Variants in ATP6V0A2 observed in about 807,000 individuals in gnomAD.
The protein encoded by ATP6V0A2 is ATPase H+ transporting V0 subunit a2.
ATP6V0A2 carries 58 observed loss-of-function variants against 104.4 expected under a neutral mutation model. The ratio of observed to expected loss-of-function variants is 0.56; its 90% CI spans 0.45 to 0.69. ATP6V0A2 has a LOEUF of 0.69. Among genes scored for constraint, ATP6V0A2 ranks in the 30% least tolerant of loss-of-function variants. ATP6V0A2 has a pLI of 0.00. For synonymous variants in ATP6V0A2, 376 were observed against 397.9 expected, an observed-to-expected ratio of 0.95 and a Z score of 0.65; for missense variants, 938 against 1,062.9, an observed-to-expected ratio of 0.88 and a Z score of 1.63.
intron 1 of ATP6V0A2, among the ~76,000 whole-genome samples, chr12:123,714,862 A>C (rs1956325268): frequency 6.6e-6 from 1 of 152,180 alleles, no homozygotes; most frequent in African/African-American, 2.4e-5. Flanking sequence ...CGGGCAGATC[A>C]CAAGGCCAAG....
chr12:123,753,139 C>T (rs12581755), intron 17 of ATP6V0A2, among the ~76,000 whole-genome samples: 4 of 130,866 alleles, frequency 3.1e-5, no homozygotes, highest in African/African-American at 8.6e-5. Context: ...TCTCCCTTAC[C>T]AGTGACCACT....
intron 15 of ATP6V0A2, among the ~76,000 whole-genome samples, chr12:123,749,087 C>G (rs1246028754): frequency 6.6e-6 from 1 of 152,126 alleles, no homozygotes; most frequent in Non-Finnish European, 1.5e-5. Context: ...CCCGTGAGTT[C>G]GAGACCAGCC....
chr12:123,752,594 C>G (rs749803347), intron 17 of ATP6V0A2, among the ~76,000 whole-genome samples, 192 bp downstream of exon 17: 1 of 152,140 alleles, frequency 6.6e-6, no homozygotes, highest in Non-Finnish European at 1.5e-5. Flanking sequence ...TATATGAGTT[C>G]GGGTCATTTT....
intron 18 of ATP6V0A2, among the ~76,000 whole-genome samples, chr12:123,755,971 C>T (rs1052142007): frequency 1.3e-5 from 2 of 151,266 alleles, no homozygotes; most frequent in African/African-American, 4.9e-5. Context: ...GTCCCAGCTA[C>T]TCAGGAGGCT....
At chr12:123,755,426 C>T (rs1173752522) in intron 18 of ATP6V0A2, among the ~76,000 whole-genome samples, 2 of 151,592 alleles carry the variant, frequency 1.3e-5, no homozygotes, top group Non-Finnish European at 2.9e-5. Flanking sequence ...GTCCCAGCTA[C>T]TCAGGAGGCT....
intron 6 of ATP6V0A2, 59 bp from the exon 7 acceptor site, chr12:123,733,867 C>A (rs370689130): frequency 1.0e-5 from 13 of 1,261,000 alleles, no homozygotes; most frequent in Non-Finnish European, 1.0e-5. Flanking sequence ...TTTGAGCTGC[C>A]GAAGTTCTAG....
Position 123,754,903 on chromosome 12 carries a change from G to T in ATP6V0A2, c.2293+366G>T, listed in dbSNP as rs1593921257. On this transcript the variant is annotated intron_variant, in intron 18 of 19. Coordinates refer to ENST00000330342, the MANE Select transcript of ATP6V0A2 (RefSeq NM_012463.4). Reference sequence around the variant, plus strand: ...TCTGTTAGTAGTTATTTCATTCACTGCTGCCTTACCAAGTGTGAATATCTG... The same window carrying T: ...TCTGTTAGTAGTTATTTCATTCACTTCTGCCTTACCAAGTGTGAATATCTG... The T allele has an allele frequency of 2.4e-5, 7 of 294,112 alleles. No individual in the cohort carries two copies. The South Asian group carries it at 3.0e-4, about 13-fold the overall frequency. 18.2% of individuals were successfully genotyped at this position (294,112 alleles called of 1,614,324 possible). A position where few individuals can be genotyped will look rare whatever the true frequency, so the allele number is the denominator to read the frequency against.
intron 7 of ATP6V0A2, among the ~76,000 whole-genome samples, chr12:123,734,838 T>G (rs1956535379): frequency 6.6e-6 from 1 of 152,200 alleles, no homozygotes; most frequent in Non-Finnish European, 1.5e-5. Flanking sequence ...ACCTTTTATT[T>G]TCATAGATAG....
At chr12:123,720,067 G>A (rs1053424901) in intron 2 of ATP6V0A2, among the ~76,000 whole-genome samples, 2 of 152,070 alleles carry the variant, frequency 1.3e-5, no homozygotes, top group African/African-American at 4.8e-5. Context: ...TCTCTCGGCT[G>A]ACCTTACACT....
At chr12:123,750,880 T>A (rs1956707659) in intron 15 of ATP6V0A2, 1 of 556,392 alleles carries the variant, frequency 1.8e-6, no homozygotes, top group Admixed American at 3.1e-5. Context: ...CTTGCTGGTC[T>A]AAAACAAAAT....
At position 123,755,858 on chromosome 12, in the gene ATP6V0A2, G is replaced by A. The variant is rs554260387; in HGVS notation, c.2294-957G>A. ...AGCACTTTGGGAGGCCTAGGCGGGC[G>A]GATCATGAGGTCAGGAGATCGAGAC... On this transcript the variant is annotated intron_variant, in intron 18 of 19. Coordinates refer to ENST00000330342, the MANE Select transcript of ATP6V0A2 (RefSeq NM_012463.4). 2.5e-4 allele frequency among the ~76,000 whole-genome samples: 38 copies of A among 151,944 alleles called. 1 individual carries two copies. In the South Asian group the frequency reaches 4.4e-3, roughly 17 times the overall value.
chr12:123,714,186 T>G (rs1168069181), intron 1 of ATP6V0A2, among the ~76,000 whole-genome samples: 8 of 152,220 alleles, frequency 5.3e-5, no homozygotes, highest in Non-Finnish European at 1.0e-4. Context: ...AACGTACTAA[T>G]CACTATGAAG....
chr12:123,750,818 C>A (rs948903262), intron 15 of ATP6V0A2: 26 of 416,300 alleles, frequency 6.2e-5, no homozygotes, highest in Non-Finnish European at 1.1e-4. Flanking sequence ...ACAGTGTTTA[C>A]AGAAAATGAT....
rs1956434722 is a variant in ATP6V0A2 at position 123,724,903 on chromosome 12, C to T, written c.432+112C>T. 5 of 724,986 alleles carry T rather than the reference C, an allele frequency of 6.9e-6. No individual in the cohort carries two copies. The African/African-American group carries it at 7.4e-5, about 11-fold the overall frequency. 44.9% of individuals were successfully genotyped at this position (724,986 alleles called of 1,614,324 possible). On this transcript the variant is annotated intron_variant, in intron 4 of 19. Coordinates refer to ENST00000330342, the MANE Select transcript of ATP6V0A2 (RefSeq NM_012463.4). Reference sequence around the variant, plus strand: ...ATTAGTTCATATAGATATGTTGCTTCTTTTAAGAGATTAAATTTATTTATT... The same window carrying T: ...ATTAGTTCATATAGATATGTTGCTTTTTTTAAGAGATTAAATTTATTTATT...
At position 123,744,830 on chromosome 12, in the gene ATP6V0A2, C is replaced by T; in HGVS notation, c.1514+46C>T. 5 of 1,614,102 alleles carry T rather than the reference C, an allele frequency of 3.1e-6. No homozygotes were observed. The highest frequency in any genetic ancestry group is 4.2e-6 in the Non-Finnish European group (5 of 1,179,964). On this transcript the variant is annotated intron_variant, in intron 12 of 19. Coordinates refer to ENST00000330342, the MANE Select transcript of ATP6V0A2 (RefSeq NM_012463.4). This position sits in a 1 kb window ranked among gnomAD's most constrained non-coding sequence, Gnocchi z 5.4. ...GATGCTCTGGGTGGAAAGCATGTTTCCTAGACCTTCCTCCTCCCAGGTCAG... is the reference window on the plus strand; with the variant it reads ...GATGCTCTGGGTGGAAAGCATGTTTTCTAGACCTTCCTCCTCCCAGGTCAG...
chr12:123,721,483 A>G (rs1222836429), intron 2 of ATP6V0A2: 1 of 159,072 alleles, frequency 6.3e-6, no homozygotes, highest in East Asian at 1.7e-4. Context: ...GGCAGCTGTC[A>G]CTGTGGGAAT....
rs1473390485 is a variant in ATP6V0A2 at position 123,744,712 on chromosome 12, C to G, written c.1442C>G (p.Ser481Cys). The G allele has an allele frequency of 6.2e-7, 1 of 1,614,210 alleles. No homozygotes were observed. The highest frequency in any genetic ancestry group is 1.1e-5 in the South Asian group (1 of 91,082). ...TCAAAGTCAGTCAACCTGTTCGGCT[C>G]TGGGTGGAACGTGTCGGCCATGTAC... ...CFSKSVNLFG[S>C]GWNVSAMYSS... The change falls in exon 12 of 20, where the codon TCT becomes TGT. Residue 481 changes from serine to cysteine, a missense_variant. Coordinates refer to ENST00000330342, the MANE Select transcript of ATP6V0A2 (RefSeq NM_012463.4). The surrounding 1 kb of genome is among the most constrained non-coding windows in gnomAD (Gnocchi z 5.4).
At chr12:123,740,239 T>G (rs1956596233) in intron 9 of ATP6V0A2, among the ~76,000 whole-genome samples, 1 of 151,924 alleles carries the variant, frequency 6.6e-6, no homozygotes, top group Non-Finnish European at 1.5e-5. Context: ...GTCTGGCTCT[T>G]TCGCCCACGC....
Position 123,735,244 on chromosome 12 carries a change from C to T in ATP6V0A2, c.732-287C>T, listed in dbSNP as rs10773030. The stretch of plus-strand genomic sequence containing the variant: ...TGTTCAGTGATTCCCAGCCCAAGGA[C>T]ATTGTTGAATTTTAGGAAGCTGGAA... On this transcript the variant is annotated intron_variant, in intron 7 of 19. Transcript: ENST00000330342. Among the ~76,000 whole-genome samples the T allele has an allele frequency of 0.66, 100,852 of 151,724 alleles. 33,863 individuals carry two copies. Among genetic ancestry groups the T allele is most frequent in the East Asian group, 0.95 (4,912 of 5,184 alleles).
Sources: allele counts gnomAD v4.1 joint callset (sites outside exome capture counted in the v4.1 genomes callset), GRCh38; gene constraint gnomAD v4.1.1; non-coding constraint Gnocchi (gnomAD v3.1); transcripts MANE v1.5; gene names NCBI Gene and HGNC (gene_info 2026-07-23, HGNC 2026-07-21).